Variants in TRPM8 observed in about 807,000 individuals in gnomAD.
TRPM8 encodes the protein transient receptor potential cation channel subfamily M member 8.
TRPM8 carries 110 observed loss-of-function variants against 133.7 expected under a neutral mutation model. The ratio of observed to expected loss-of-function variants is 0.82; its 90% CI spans 0.70 to 0.96. TRPM8 has a LOEUF of 0.96. TRPM8 is among the 40% of genes least tolerant of loss of function. TRPM8 has a pLI of 0.00. For synonymous variants in TRPM8, 535 were observed against 532.3 expected, an observed-to-expected ratio of 1.01 and a Z score of -0.07; for missense variants, 1,291 against 1,379.5, an observed-to-expected ratio of 0.94 and a Z score of 1.02.
At chr2:233,963,438 A>G in intron 13 of TRPM8, 61 bp downstream of exon 13, 1 of 1,048,676 alleles carries the variant, frequency 9.5e-7, no homozygotes, top group East Asian at 2.6e-5. Flanking sequence ...AACAGTTCTG[A>G]TCCTCTCAAA....
intron 18 of TRPM8, 60 bp downstream of exon 18, chr2:233,980,339 G>T (rs1018221089): frequency 5.3e-5 from 62 of 1,163,132 alleles, no homozygotes; most frequent in Non-Finnish European, 7.3e-5. Flanking sequence ...GTGGAGAAAA[G>T]CTCTGCAGAC....
chr2:233,994,897 C>T (rs1692366245), intron 21 of TRPM8, among the ~76,000 whole-genome samples: 1 of 152,154 alleles, frequency 6.6e-6, no homozygotes, highest in Admixed American at 6.5e-5. Flanking sequence ...TTGATATTAG[C>T]AATAAAAATG....
chr2:234,014,701 T>G, intron 25 of TRPM8, 47 bp downstream of exon 25: 1 of 695,766 alleles, frequency 1.4e-6, no homozygotes, highest in Non-Finnish European at 2.3e-6. Context: ...GATTTGCATC[T>G]TTTAAGACTA....
chr2:233,970,459 C>T (rs778798513), intron 17 of TRPM8, 33 bp downstream of exon 17: 6 of 1,591,432 alleles, frequency 3.8e-6, no homozygotes, highest in South Asian at 1.1e-5. Context: ...AACCCCCTCG[C>T]TTCCTCGGTG....
chr2:233,969,293 C>A (rs1416931032), intron 15 of TRPM8, among the ~76,000 whole-genome samples: 1 of 149,866 alleles, frequency 6.7e-6, no homozygotes, highest in Admixed American at 6.6e-5. Flanking sequence ...GCCTGACCAA[C>A]ATGGAGAAAT....
At position 233,947,146 on chromosome 2, in the gene TRPM8, G is replaced by T; in HGVS notation, c.933G>T (p.Glu311Asp). 6.2e-7 allele frequency: 1 copy of T among 1,614,050 alleles called. No homozygotes were observed. The highest frequency in any genetic ancestry group is 8.5e-7 in the Non-Finnish European group (1 of 1,179,914). The change falls in exon 8 of 26, where the codon GAG (glutamate) becomes GAT (aspartate). Residue 311 changes from glutamate (E) to aspartate (D), a missense_variant. Glu to Asp is a conservative substitution (Grantham distance 45, BLOSUM62 2). This residue lies in a region of TRPM8 where 963 missense variants were observed against 968.9 expected (regional missense o/e 0.99). Transcript: ENST00000324695. ...GTTTTGCCCAAGGAGGTGGAAAAGA[G>T]ACTTTGAAAGTGAGTCCTGATTTAG... ...IVCFAQGGGK[E>D]TLKAINTSIK... is the part of the protein sequence containing the mutation.
Position 233,926,513 on chromosome 2 carries a change from C to T in TRPM8, c.-5-20C>T. 6.3e-7 allele frequency: 1 copy of T among 1,585,072 alleles called. No individual in the cohort carries two copies. Among genetic ancestry groups the T allele is most frequent in the African/African-American group, 1.3e-5 (1 of 74,382 alleles). ...TTACTGTTTGTAACCCAAACTTATC[C>T]CCTCCAACCATCGTCACAGAAAAGA... On this transcript the variant is annotated intron_variant, in intron 1 of 25. Coordinates refer to ENST00000324695, the MANE Select transcript of TRPM8 (RefSeq NM_024080.5).
Position 233,996,485 on chromosome 2 carries a change from C to T in TRPM8, c.3099C>T (p.Cys1033=). The change falls in exon 22 of 26, where the codon TGC becomes TGT. Residue 1033 remains cysteine, a synonymous_variant. Coordinates refer to ENST00000324695, the MANE Select transcript of TRPM8 (RefSeq NM_024080.5). Reference sequence around the variant, plus strand: ...TGAAGAAGTGCTTCAAGTGTTGCTGCAAGGAGAAAAACATGGAGTCTTCTG... The same window carrying T: ...TGAAGAAGTGCTTCAAGTGTTGCTGTAAGGAGAAAAACATGGAGTCTTCTG... The part of the protein sequence containing the change: ...MVVKKCFKCC[C]KEKNMESSVC... The T allele has an allele frequency of 6.2e-7, 1 of 1,614,106 alleles. No individual in the cohort carries two copies. The highest frequency in any genetic ancestry group is 1.1e-5 in the South Asian group (1 of 91,078).
chr2:234,007,980 T>C, intron 23 of TRPM8, 90 bp from the exon 24 acceptor site: 1 of 1,261,790 alleles, frequency 7.9e-7, no homozygotes, highest in South Asian at 1.3e-5. Context: ...TTCTGTACTT[T>C]AATTTAAAAG....
intron 14 of TRPM8, 106 bp from the exon 15 acceptor site, chr2:233,966,504 G>C (rs924270506): frequency 2.2e-6 from 3 of 1,391,138 alleles, no homozygotes; most frequent in Non-Finnish European, 2.0e-6. Flanking sequence ...ATGGACTCAC[G>C]CACAGGCTAT....
intron 15 of TRPM8, among the ~76,000 whole-genome samples, chr2:233,969,268 G>C (rs190357546): frequency 6.6e-6 from 1 of 151,744 alleles, no homozygotes; most frequent in Non-Finnish European, 1.5e-5. Flanking sequence ...ACCTGAGGTC[G>C]GGAGTTTGTG....
chr2:233,954,593 G>A (rs10490013), intron 10 of TRPM8, among the ~76,000 whole-genome samples: 14,363 of 152,248 alleles, frequency 0.094, 902 homozygotes, highest in East Asian at 0.21. Context: ...AAATTAGCTA[G>A]AGTAGAGCCA....
intron 19 of TRPM8, among the ~76,000 whole-genome samples, chr2:233,982,846 G>A (rs377742877): frequency 1.9e-4 from 29 of 152,252 alleles, no homozygotes; most frequent in Middle Eastern, 6.8e-3. Context: ...GCATCAAACC[G>A]GTTTTAACTC....
chr2:234,015,314 G>T (rs1029011434), intron 25 of TRPM8, among the ~76,000 whole-genome samples: 1 of 150,362 alleles, frequency 6.7e-6, no homozygotes, highest in African/African-American at 2.4e-5. Context: ...TGGACACGTC[G>T]AGTTAGGAAA....
rs769926509 is a variant in TRPM8 at position 233,947,142 on chromosome 2, A to G, written c.929A>G (p.Lys310Arg). The G allele has an allele frequency of 6.2e-7, 1 of 1,614,126 alleles. No homozygotes were observed. Among genetic ancestry groups the G allele is most frequent in the Non-Finnish European group, 8.5e-7 (1 of 1,179,966 alleles). The change falls in exon 8 of 26, where the codon AAA (lysine) becomes AGA (arginine). Residue 310 changes from lysine to arginine, a missense_variant. Physicochemically the swap from Lys to Arg is conservative, Grantham distance 26. Around this residue, in one of 2 missense-constraint regions of TRPM8, gnomAD observed 963 missense variants for 968.9 expected, o/e 0.99. Transcript: ENST00000324695. Reference sequence around the variant, plus strand: ...GTGTGTTTTGCCCAAGGAGGTGGAAAAGAGACTTTGAAAGTGAGTCCTGAT... The same window carrying G: ...GTGTGTTTTGCCCAAGGAGGTGGAAGAGAGACTTTGAAAGTGAGTCCTGAT... ...PIVCFAQGGG[K>R]ETLKAINTSI... is the part of the protein sequence containing the mutation.
intron 2 of TRPM8, among the ~76,000 whole-genome samples, chr2:233,930,380 C>T (rs1366142843): frequency 6.6e-6 from 1 of 151,964 alleles, no homozygotes; most frequent in Non-Finnish European, 1.5e-5. Flanking sequence ...CCCTGGTAGC[C>T]TTAGAGGTGG....
intron 17 of TRPM8, among the ~76,000 whole-genome samples, chr2:233,971,782 T>G (rs1349783975): frequency 6.6e-6 from 1 of 152,094 alleles, no homozygotes. Flanking sequence ...GGACCCAGAA[T>G]GAGCAGTAGC....
At chr2:233,936,592 C>A (rs1690748811) in intron 3 of TRPM8, among the ~76,000 whole-genome samples, 1 of 152,222 alleles carries the variant, frequency 6.6e-6, no homozygotes, top group South Asian at 2.1e-4. Flanking sequence ...CCAGTGAGTT[C>A]AGCCCATGGG....
chr2:233,961,126 G>A, intron 12 of TRPM8, 60 bp downstream of exon 12: 15 of 1,526,080 alleles, frequency 9.8e-6, no homozygotes, highest in Non-Finnish European at 1.3e-5. Flanking sequence ...TCCCTCATAA[G>A]ATATCTCCAT....
Sources: allele counts gnomAD v4.1 joint callset (sites outside exome capture counted in the v4.1 genomes callset), GRCh38; gene constraint gnomAD v4.1.1; regional missense constraint gnomAD v4.1.1; transcripts MANE v1.5; gene names NCBI Gene and HGNC (gene_info 2026-07-23, HGNC 2026-07-21).